Variants in GNPTAB observed in about 807,000 individuals in gnomAD.
GNPTAB encodes N-acetylglucosamine-1-phosphotransferase subunits alpha/beta.
Under a neutral mutation model 136.6 loss-of-function variants are expected in GNPTAB, and 92 were observed. The ratio of observed to expected loss-of-function variants is 0.67; its 90% CI spans 0.57 to 0.80. The LOEUF (loss-of-function observed/expected upper bound fraction) is 0.80, where lower values mean the gene tolerates loss of function less well. Ranked by LOEUF, GNPTAB falls within the 30% of genes least tolerant of loss-of-function variation. The pLI is 0.00. For synonymous variants in GNPTAB, 512 were observed against 535.1 expected (o/e 0.96, Z 0.60); for missense variants, 1,343 against 1,501.8 (o/e 0.89, Z 1.75).
At chr12:101,808,448 G>A (rs954243097) in intron 1 of GNPTAB, among the ~76,000 whole-genome samples, 3 of 151,738 alleles carry the variant, frequency 2.0e-5, no homozygotes, top group African/African-American at 7.3e-5. Flanking sequence ...AAGCTGAGGT[G>A]AGAGGATCAC....
In GNPTAB at chr12:101,757,657, G is replaced by A; in HGVS notation, c.3250C>T (p.Pro1084Ser). Residue 1084 changes from proline to serine, a missense_variant and splice_region_variant, in exon 17 of 21, where the codon CCA (proline) becomes TCA (serine). Pro to Ser is a moderately conservative substitution (Grantham distance 74). Coordinates refer to ENST00000299314, the MANE Select transcript of GNPTAB (RefSeq NM_024312.5). ...GTTACTAGACTTTTAGTGACCGGTG[G>A]CTATGAGAAAATATAAGTAGATCAG... ...TQESYYDPNL[P>S]PVTKSLVTNC... 1 of 1,495,670 alleles carries A rather than the reference G, an allele frequency of 6.7e-7. No individual in the cohort carries two copies. The highest frequency in any genetic ancestry group is 1.1e-5 in the South Asian group (1 of 88,750). 92.6% of individuals were successfully genotyped at this position (1,495,670 alleles called of 1,614,324 possible).
intron 13 of GNPTAB, among the ~76,000 whole-genome samples, chr12:101,763,445 G>A (rs796275696): frequency 2.6e-4 from 39 of 152,002 alleles, no homozygotes; most frequent in African/African-American, 9.2e-4. Context: ...AGCCCAGACT[G>A]TATGATTTTT....
chr12:101,775,272 AG>A (rs1388888342), intron 7 of GNPTAB, among the ~76,000 whole-genome samples: 1 of 152,220 alleles, frequency 6.6e-6, no homozygotes, highest in African/African-American at 2.4e-5. Flanking sequence ...AAAATCTGTT[AG>A]GAAAAAAACC....
intron 4 of GNPTAB, among the ~76,000 whole-genome samples, chr12:101,786,788 G>A (rs752080151): frequency 2.0e-5 from 3 of 152,136 alleles, no homozygotes. Context: ...AAAGGACACG[G>A]CTAGAAAATT....
intron 16 of GNPTAB, among the ~76,000 whole-genome samples, chr12:101,759,043 A>G (rs1261922896): frequency 6.6e-6 from 1 of 152,056 alleles, no homozygotes; most frequent in African/African-American, 2.4e-5. Flanking sequence ...GGTAGTACCC[A>G]TTATTTTCTC....
At chr12:101,817,265 C>CTTTTTTTTTTTTTTTTTTTT (rs71438444) in intron 1 of GNPTAB, among the ~76,000 whole-genome samples, 1 of 108,216 alleles carries the variant, frequency 9.2e-6, no homozygotes, top group Non-Finnish European at 1.8e-5. Context: ...TATCATTCCA[C>CTTTTTTTTTTTTTTTTTTTT]TTTTTTTTTT....
At chr12:101,753,832 A>G (rs941454364) in intron 18 of GNPTAB, among the ~76,000 whole-genome samples, 1 of 152,216 alleles carries the variant, frequency 6.6e-6, no homozygotes, top group African/African-American at 2.4e-5. Context: ...TTAACTGACT[A>G]GAATATTTTG....
intron 1 of GNPTAB, among the ~76,000 whole-genome samples, chr12:101,820,443 C>T (rs1307138667): frequency 1.3e-5 from 2 of 152,156 alleles, no homozygotes; most frequent in African/African-American, 4.8e-5. Context: ...AGACTAACTG[C>T]CCTGCAGCCA....
At chr12:101,771,657 G>C (rs1252706437) in intron 7 of GNPTAB, among the ~76,000 whole-genome samples, 1 of 152,202 alleles carries the variant, frequency 6.6e-6, no homozygotes, top group Non-Finnish European at 1.5e-5. Flanking sequence ...AAAACAAGAA[G>C]GAATGGTAAA....
intron 1 of GNPTAB, among the ~76,000 whole-genome samples, chr12:101,829,672 C>T (rs1367146428): frequency 6.6e-6 from 1 of 152,130 alleles, no homozygotes; most frequent in African/African-American, 2.4e-5. Flanking sequence ...CGAGCAAGTA[C>T]TATAATATTA....
intron 4 of GNPTAB, 52 bp from the exon 5 acceptor site, chr12:101,786,269 C>A (rs1202184441): frequency 2.1e-6 from 3 of 1,404,296 alleles, no homozygotes; most frequent in Non-Finnish European, 3.0e-6. Flanking sequence ...ATTTAATCAG[C>A]AATGAGAAGC....
At chr12:101,792,818 A>C (rs1211806905) in intron 2 of GNPTAB, among the ~76,000 whole-genome samples, 2 of 152,136 alleles carry the variant, frequency 1.3e-5, no homozygotes, top group Non-Finnish European at 2.9e-5. Context: ...GCCCTGCTTC[A>C]TTAATTATTT....
chr12:101,780,574 C>T lies in GNPTAB; in HGVS notation c.619G>A (p.Val207Ile). 6.2e-7 allele frequency: 1 copy of T among 1,610,014 alleles called. No homozygotes were observed. Among genetic ancestry groups the T allele is most frequent in the Non-Finnish European group, 8.5e-7 (1 of 1,176,738 alleles). ...GLLKGNSRQT[V>I]WRGYLTTDKE... The stretch of plus-strand genomic sequence containing the variant: ...TAACATACCAAGTAGCCCCTCCATA[C>T]TGTCTGTCTGCTATTTCCTTTAAGC... The change falls in exon 6 of 21, where the codon GTA (valine) becomes ATA (isoleucine). Residue 207 changes from valine to isoleucine, a missense_variant. Physicochemically the swap from Val to Ile is conservative, Grantham distance 29. Coordinates refer to ENST00000299314, the MANE Select transcript of GNPTAB (RefSeq NM_024312.5).
At chr12:101,825,116 T>A (rs1317251464) in intron 1 of GNPTAB, among the ~76,000 whole-genome samples, 1 of 152,244 alleles carries the variant, frequency 6.6e-6, no homozygotes, top group Non-Finnish European at 1.5e-5. Flanking sequence ...GCAATTGTTG[T>A]GTACTAACTC....
At chr12:101,820,509 C>G in intron 1 of GNPTAB, among the ~76,000 whole-genome samples, 1 of 152,180 alleles carries the variant, frequency 6.6e-6, no homozygotes, top group East Asian at 1.9e-4. Context: ...ACATTTTGGG[C>G]TGGATGATTC....
intron 1 of GNPTAB, among the ~76,000 whole-genome samples, chr12:101,830,004 C>CAAAAAAAAAAAAAAA (rs35884808): frequency 9.4e-6 from 1 of 106,162 alleles, no homozygotes; most frequent in Non-Finnish European, 2.0e-5. Context: ...AACCTCCTAC[C>CAAAAAAAAAAAAAAA]AAAAAAAAAA....
chr12:101,747,353 C>A lies in GNPTAB; in HGVS notation c.3694-112G>T. 3 of 686,980 alleles carry A rather than the reference C, an allele frequency of 4.4e-6. No individual in the cohort carries two copies. In the South Asian group the frequency reaches 4.7e-5, roughly 11 times the overall value. The allele number at this position is 686,980 out of a possible 1,614,324, so 42.6% of individuals were successfully genotyped here. A position where few individuals can be genotyped will look rare whatever the true frequency, so the allele number is the denominator to read the frequency against. ...CCTTAATCATTTCCACAATCTTATA[C>A]ATTAAAAAGACAACAAACAAATCTC... is the stretch of plus-strand genomic sequence containing the variant. On this transcript the variant is annotated intron_variant, in intron 20 of 20. Transcript: ENST00000299314.
At chr12:101,784,866 G>A (rs765899281) in intron 5 of GNPTAB, among the ~76,000 whole-genome samples, 6 of 152,044 alleles carry the variant, frequency 3.9e-5, no homozygotes, top group Admixed American at 6.6e-5. Flanking sequence ...TAAAAACCAC[G>A]GACCTTCCAA....
chr12:101,816,140 C>T lies in GNPTAB; in HGVS notation c.117+14419G>A, dbSNP rs146750647. ...TTCAGGAAAATCATCTGGGCAGAGA[C>T]TTACGGAGTAAGACCTAAAGAGAAT... is the stretch of plus-strand genomic sequence containing the variant. On this transcript the variant is annotated intron_variant, in intron 1 of 20. Coordinates refer to ENST00000299314, the MANE Select transcript of GNPTAB (RefSeq NM_024312.5). Among the ~76,000 whole-genome samples, 12 of 152,190 alleles carry T rather than the reference C, an allele frequency of 7.9e-5. No homozygotes were observed. The East Asian group carries it at 2.1e-3, about 27-fold the overall frequency.
Sources: gnomAD v4.1 joint callset for allele counts (sites outside exome capture counted in the v4.1 genomes callset) on GRCh38, gnomAD v4.1.1 for gene constraint, MANE v1.5 for transcripts, NCBI Gene and HGNC (gene_info 2026-07-23, HGNC 2026-07-21) for gene names.